Variants in DDX60L observed in about 807,000 individuals in gnomAD.
DDX60L encodes the protein DExD/H-box 60 like.
DDX60L carries 191 observed loss-of-function variants against 211.6 expected under a neutral mutation model. The observed-to-expected ratio is 0.90, with a 90% CI of 0.80 to 1.02. DDX60L has a LOEUF of 1.02. Ranked by LOEUF, DDX60L falls within the 50% of genes least tolerant of loss-of-function variation. DDX60L has a pLI of 0.00. For missense variants in DDX60L, 2,007 were observed against 1,984.1 expected (o/e 1.01, Z -0.22); for synonymous variants, 706 against 694.1 (o/e 1.02, Z -0.27).
At chr4:168,442,946 T>G (rs1754171798) in intron 9 of DDX60L, among the ~76,000 whole-genome samples, 1 of 151,708 alleles carries the variant, frequency 6.6e-6, no homozygotes, top group Non-Finnish European at 1.5e-5. Context: ...ACAGAAAAAC[T>G]GGAAACTATA....
At chr4:168,427,901 T>G (rs1751718879) in intron 13 of DDX60L, among the ~76,000 whole-genome samples, 1 of 152,202 alleles carries the variant, frequency 6.6e-6, no homozygotes, top group South Asian at 2.1e-4. Flanking sequence ...TTGCTTCTAT[T>G]TCAGTGTGGA....
At chr4:168,442,501 A>G (rs1754048880) in intron 9 of DDX60L, among the ~76,000 whole-genome samples, 1 of 152,246 alleles carries the variant, frequency 6.6e-6, no homozygotes, top group African/African-American at 2.4e-5. Flanking sequence ...GCAGCCTGGA[A>G]GCGCGAACTG....
At chr4:168,422,038 C>T in intron 16 of DDX60L, 129 bp from the exon 17 acceptor site, 1 of 1,144,560 alleles carries the variant, frequency 8.7e-7, no homozygotes, top group Non-Finnish European at 1.2e-6. Flanking sequence ...TCCCTGAACC[C>T]CTGAAGATTA....
intron 1 of DDX60L, among the ~76,000 whole-genome samples, chr4:168,476,543 CAG>C (rs748653595): frequency 3.3e-5 from 5 of 151,778 alleles, no homozygotes; most frequent in Admixed American, 6.6e-5. Context: ...GACAAAGAGT[CAG>C]AGATGAAGAA....
chr4:168,476,861 G>A (rs1759575208), intron 1 of DDX60L, among the ~76,000 whole-genome samples: 2 of 152,212 alleles, frequency 1.3e-5, no homozygotes, highest in Middle Eastern at 3.4e-3. Context: ...CCAGACTTTC[G>A]AGAAATAGGT....
chr4:168,370,693 C>T (rs1740846269), intron 36 of DDX60L, among the ~76,000 whole-genome samples: 1 of 151,928 alleles, frequency 6.6e-6, no homozygotes, highest in Non-Finnish European at 1.5e-5. Context: ...AAACTGTATC[C>T]TATATATATG....
chr4:168,471,243 T>C (rs1363668038), intron 4 of DDX60L, among the ~76,000 whole-genome samples: 3 of 152,160 alleles, frequency 2.0e-5, no homozygotes, highest in East Asian at 3.8e-4. Context: ...AATAAAAGGA[T>C]TGACAGGTGA....
At chr4:168,366,510 C>T (rs1411341908) in intron 36 of DDX60L, among the ~76,000 whole-genome samples, 2 of 151,716 alleles carry the variant, frequency 1.3e-5, no homozygotes, top group Non-Finnish European at 2.9e-5. Flanking sequence ...AGATATTCCA[C>T]GTTCAGGGAA....
chr4:168,404,525 A>G (rs910499976), intron 24 of DDX60L, among the ~76,000 whole-genome samples: 6 of 152,110 alleles, frequency 3.9e-5, no homozygotes, highest in African/African-American at 1.4e-4. Context: ...TTAAAAAGAA[A>G]AAGTTTTAAC....
chr4:168,362,084 T>A (rs907501296), intron 36 of DDX60L, among the ~76,000 whole-genome samples: 2 of 152,190 alleles, frequency 1.3e-5, no homozygotes, highest in African/African-American at 4.8e-5. Flanking sequence ...CAGTGCATAC[T>A]CGTGCTGCGC....
chr4:168,445,844 A>C (rs1415935935), intron 9 of DDX60L, among the ~76,000 whole-genome samples: 5 of 103,932 alleles, frequency 4.8e-5, no homozygotes, highest in Non-Finnish European at 1.1e-4. Context: ...TCATGCTAAA[A>C]ACTCTCAATA....
intron 29 of DDX60L, among the ~76,000 whole-genome samples, chr4:168,388,263 G>A (rs1744227968): frequency 6.6e-6 from 1 of 152,126 alleles, no homozygotes; most frequent in Non-Finnish European, 1.5e-5. Flanking sequence ...CCTTGTAAAG[G>A]GCTAGGATTT....
Position 168,456,139 on chromosome 4 carries a change from A to G in DDX60L, c.737T>C (p.Leu246Pro). The G allele has an allele frequency of 6.3e-7, 1 of 1,577,598 alleles. No homozygotes were observed. Among genetic ancestry groups the G allele is most frequent in the Middle Eastern group, 1.7e-4 (1 of 5,970 alleles). ...TGACCATAGGTGCTGAAGCAGAAAT[A>G]GAGTCTGATACGCCTATCAAAAAAG... is the stretch of plus-strand genomic sequence containing the variant. ...NDMMEEAYQTLFLLQHLWSEG... is the reference protein window; with the variant it reads ...NDMMEEAYQTPFLLQHLWSEG... The change falls in exon 7 of 38, where the codon CTA (leucine) becomes CCA (proline). Residue 246 changes from leucine (L) to proline (P), a missense_variant. By Grantham distance (98) the Leu-to-Pro change is moderately conservative (BLOSUM62 -3). Transcript: ENST00000682922.
chr4:168,403,207 C>G (rs1270415018), intron 25 of DDX60L, among the ~76,000 whole-genome samples: 5 of 152,186 alleles, frequency 3.3e-5, no homozygotes, highest in African/African-American at 4.8e-5. Context: ...TTTAATTTCT[C>G]TTATCATCAT....
intron 14 of DDX60L, among the ~76,000 whole-genome samples, chr4:168,424,180 C>A (rs1206528096): frequency 6.6e-6 from 1 of 152,140 alleles, no homozygotes; most frequent in Non-Finnish European, 1.5e-5. Flanking sequence ...AGATGCCTGA[C>A]CAAAACATGA....
intron 15 of DDX60L, among the ~76,000 whole-genome samples, chr4:168,422,999 G>GTGTGTGTA (rs551448406): frequency 4.4e-5 from 6 of 137,612 alleles, no homozygotes; most frequent in African/African-American, 1.1e-4. Context: ...GTGTGTGTGT[G>GTGTGTGTA]TTGTAGAGAC....
At chr4:168,476,461 C>G (rs538512794) in intron 1 of DDX60L, among the ~76,000 whole-genome samples, 1 of 151,666 alleles carries the variant, frequency 6.6e-6, no homozygotes, top group Non-Finnish European at 1.5e-5. Context: ...GAACTCTTAA[C>G]AAAAATATAA....
chr4:168,436,939 C>A (rs2465253), intron 10 of DDX60L, among the ~76,000 whole-genome samples: 112,425 of 152,004 alleles, frequency 0.74, 42,887 homozygotes, highest in East Asian at 0.91. Context: ...CCTGATTCTC[C>A]AGGGGACATT....
intron 26 of DDX60L, 148 bp from the exon 27 acceptor site, chr4:168,396,272 T>G: frequency 2.0e-6 from 1 of 505,058 alleles, no homozygotes; most frequent in Non-Finnish European, 3.5e-6. Flanking sequence ...CTTCCTCACG[T>G]GCACTTCCAC....
Sources: gnomAD v4.1 joint callset for allele counts (sites outside exome capture counted in the v4.1 genomes callset) on GRCh38, gnomAD v4.1.1 for gene constraint, MANE v1.5 for transcripts, NCBI Gene and HGNC (gene_info 2026-07-23, HGNC 2026-07-21) for gene names.